Variants in TMEM161B observed in about 807,000 individuals in gnomAD.
The protein encoded by TMEM161B is transmembrane protein 161B.
TMEM161B carries 34 observed loss-of-function variants against 61.8 expected under a neutral mutation model. The observed-to-expected ratio is 0.55, with a 90% confidence interval of 0.42 to 0.73. The LOEUF is 0.73. TMEM161B is among the 30% of genes least tolerant of loss of function. The pLI is 0.00. For missense variants in TMEM161B, 456 were observed against 558.5 expected, an observed-to-expected ratio of 0.82 and a Z score of 1.85; for synonymous variants, 167 against 192.8, an observed-to-expected ratio of 0.87 and a Z score of 1.11.
intron 5 of TMEM161B, among the ~76,000 whole-genome samples, chr5:88,208,853 G>GT (rs1289442808): frequency 1.3e-5 from 2 of 152,150 alleles, no homozygotes; most frequent in African/African-American, 4.8e-5. Context: ...ACTTTTAGCA[G>GT]TAACACATAA....
At chr5:88,237,246 T>C (rs895958515) in intron 2 of TMEM161B, among the ~76,000 whole-genome samples, 6 of 152,306 alleles carry the variant, frequency 3.9e-5, no homozygotes, top group African/African-American at 1.4e-4. Context: ...TGGCCAGAAC[T>C]AGTCACAAGG....
chr5:88,229,937 C>G (rs1456154750), intron 2 of TMEM161B, among the ~76,000 whole-genome samples: 2 of 151,818 alleles, frequency 1.3e-5, no homozygotes, highest in Non-Finnish European at 2.9e-5. Context: ...GCGGCTCATA[C>G]CAGTAATCCC....
intron 5 of TMEM161B, among the ~76,000 whole-genome samples, chr5:88,219,607 G>A (rs1439665681): frequency 6.6e-6 from 1 of 152,014 alleles, no homozygotes; most frequent in African/African-American, 2.4e-5. Context: ...CTTCCAGAGG[G>A]TTTATGTACA....
intron 1 of TMEM161B, among the ~76,000 whole-genome samples, chr5:88,251,681 T>C (rs1754359320): frequency 6.6e-6 from 1 of 152,102 alleles, no homozygotes; most frequent in Admixed American, 6.6e-5. Flanking sequence ...GAACTATATA[T>C]CAATATAACA....
downstream of TMEM161B, among the ~76,000 whole-genome samples, chr5:88,185,828 G>C (rs1031128408): frequency 3.9e-5 from 6 of 152,142 alleles, no homozygotes; most frequent in African/African-American, 1.4e-4. Context: ...AATGAACAGA[G>C]CAACAATGAG....
At chr5:88,227,122 T>C (rs1318620472) in intron 3 of TMEM161B, among the ~76,000 whole-genome samples, 1 of 152,158 alleles carries the variant, frequency 6.6e-6, no homozygotes, top group Non-Finnish European at 1.5e-5. Flanking sequence ...CTAAGGAGGT[T>C]GAAGCCACAG....
intron 6 of TMEM161B, among the ~76,000 whole-genome samples, chr5:88,206,735 T>C (rs774378039): frequency 6.6e-6 from 1 of 152,078 alleles, no homozygotes. Context: ...TGCATAAAAT[T>C]TGCATTAATT....
chr5:88,190,952 A>G (rs946623249), downstream of TMEM161B, among the ~76,000 whole-genome samples: 1 of 152,234 alleles, frequency 6.6e-6, no homozygotes, highest in African/African-American at 2.4e-5. Flanking sequence ...ACTGCTAAAA[A>G]CATATTGTTT....
At chr5:88,190,025 G>A (rs533661229) in exon 13 of TMEM161B, 6 of 700,228 alleles carry the variant, frequency 8.6e-6, no homozygotes, top group South Asian at 4.4e-5. Context: ...CGATCCGTAA[G>A]GGCAGTCCAA....
At chr5:88,256,686 T>C (rs1755032034) in intron 1 of TMEM161B, among the ~76,000 whole-genome samples, 1 of 152,220 alleles carries the variant, frequency 6.6e-6, no homozygotes, top group African/African-American at 2.4e-5. Flanking sequence ...GGCATTCATC[T>C]CATTTCTTCA....
chr5:88,243,191 T>G (rs754265611), intron 1 of TMEM161B, among the ~76,000 whole-genome samples: 2 of 151,752 alleles, frequency 1.3e-5, no homozygotes, highest in Non-Finnish European at 2.9e-5. Context: ...ATCACCTAGG[T>G]AATGAGCATA....
chr5:88,246,203 T>C (rs1441229532), intron 1 of TMEM161B, among the ~76,000 whole-genome samples: 3 of 151,702 alleles, frequency 2.0e-5, no homozygotes, highest in Non-Finnish European at 4.4e-5. Flanking sequence ...TAAATAAATA[T>C]ATTATTATAT....
chr5:88,202,494 C>G (rs776527268), intron 9 of TMEM161B: 49 of 187,372 alleles, frequency 2.6e-4, no homozygotes, highest in Non-Finnish European at 6.5e-5. Flanking sequence ...TGTTATGTCT[C>G]TAATTTACTT....
chr5:88,197,251 G>A (rs963416612), intron 11 of TMEM161B, among the ~76,000 whole-genome samples: 6 of 152,100 alleles, frequency 3.9e-5, no homozygotes, highest in African/African-American at 7.2e-5. Context: ...AATCTTCACC[G>A]TTTCGATGTA....
chr5:88,228,414 T>C (rs1399895428), intron 3 of TMEM161B, 31 bp downstream of exon 3: 1 of 1,437,848 alleles, frequency 7.0e-7, no homozygotes, highest in Admixed American at 1.8e-5. Context: ...GTGTTAAATA[T>C]TTATTACTTT....
chr5:88,206,759 A>G (rs968059005), intron 6 of TMEM161B, among the ~76,000 whole-genome samples: 2 of 152,122 alleles, frequency 1.3e-5, no homozygotes, highest in Admixed American at 1.3e-4. Context: ...CAACTATAAG[A>G]GTAAACTTTA....
downstream of TMEM161B, chr5:88,190,254 G>A (rs1381283923): frequency 4.3e-6 from 3 of 700,796 alleles, no homozygotes; most frequent in African/African-American, 1.7e-5. Context: ...ACCTTGCCTT[G>A]CATTATGCTG....
At chr5:88,225,576 C>G (rs575663090) in intron 4 of TMEM161B, among the ~76,000 whole-genome samples, 193 bp downstream of exon 4, 4 of 151,686 alleles carry the variant, frequency 2.6e-5, no homozygotes, top group African/African-American at 9.7e-5. Context: ...TAGCCTCTTC[C>G]GAAAATAGGA....
rs780110279 is a variant in TMEM161B at position 88,202,975 on chromosome 5, C to T, written c.901G>A (p.Glu301Lys). The change falls in exon 9 of 12, where the codon GAA becomes AAA. Residue 301 changes from glutamate (E) to lysine (K), a missense_variant. Coordinates refer to ENST00000296595, the MANE Select transcript of TMEM161B (RefSeq NM_153354.5). ...GCCCATACTTACAAAGGGATACTTT[C>T]TTTGCCCAGTGGTGGGTTCATAATG... ...DYIMNPPLGK[E>K]SIPLMTEATF... 1 of 1,608,294 alleles carries T rather than the reference C, an allele frequency of 6.2e-7. No homozygotes were observed. The highest frequency in any genetic ancestry group is 1.7e-5 in the Admixed American group (1 of 59,886).
Sources: allele counts gnomAD v4.1 joint callset (sites outside exome capture counted in the v4.1 genomes callset), GRCh38; gene constraint gnomAD v4.1.1; transcripts MANE v1.5; gene names NCBI Gene and HGNC (gene_info 2026-07-23, HGNC 2026-07-21).